KLHL29: variants seen among roughly 807,000 people sequenced by gnomAD.
The protein encoded by KLHL29 is kelch like family member 29, also known as kelch-like protein 29.
KLHL29 carries 21 observed loss-of-function variants against 80.4 expected under a neutral mutation model. The ratio of observed to expected loss-of-function variants is 0.26; its 90% CI spans 0.19 to 0.38. The LOEUF (loss-of-function observed/expected upper bound fraction) is 0.38. KLHL29 is among the 10% of genes least tolerant of loss of function. The probability of loss-of-function intolerance (pLI) is 1.00; values close to 1 mark genes in which losing one functional copy is unlikely to be tolerated. For synonymous variants in KLHL29, 511 were observed against 526.8 expected (o/e 0.97, Z 0.41); for missense variants, 867 against 1,223.9 (o/e 0.71, Z 4.35).
At chr2:23,438,490 T>C (rs1318984739) in intron 1 of KLHL29, among the ~76,000 whole-genome samples, 2 of 142,702 alleles carry the variant, frequency 1.4e-5, no homozygotes, top group African/African-American at 2.8e-5. Context: ...GTCCCATCAA[T>C]ACCTAATTTA....
intron 1 of KLHL29, among the ~76,000 whole-genome samples, chr2:23,460,639 A>G (rs1052621614): frequency 6.6e-6 from 1 of 152,246 alleles, no homozygotes; most frequent in South Asian, 2.1e-4. Flanking sequence ...GATGAGGGAC[A>G]GACAAGACAG....
chr2:23,405,833 C>A (rs1364192996), intron 1 of KLHL29, among the ~76,000 whole-genome samples: 1 of 152,070 alleles, frequency 6.6e-6, no homozygotes, highest in African/African-American at 2.4e-5. Flanking sequence ...ATGGGCTGGG[C>A]AAATCCAGGA....
intron 2 of KLHL29, among the ~76,000 whole-genome samples, chr2:23,554,079 G>A (rs112448275): frequency 2.5e-3 from 380 of 152,284 alleles, no homozygotes; most frequent in Admixed American, 3.7e-3. Context: ...GGGTCACTGG[G>A]GGCTGGAGCA....
In KLHL29 at chr2:23,573,574, C is replaced by T. The variant is rs573367645; in HGVS notation, c.285+11093C>T. On this transcript the variant is annotated intron_variant, in intron 3 of 13. Coordinates refer to ENST00000486442, the MANE Select transcript of KLHL29 (RefSeq NM_052920.2). ...CCTTCCCTAGTGCTGGCGACACGACCGGAAGGTGCAGCCACAGACTCCCCA... is the reference window on the plus strand; with the variant it reads ...CCTTCCCTAGTGCTGGCGACACGACTGGAAGGTGCAGCCACAGACTCCCCA... 2.2e-3 allele frequency among the ~76,000 whole-genome samples: 340 copies of T among 152,270 alleles called. 1 individual carries two copies. The highest frequency in any genetic ancestry group is 7.5e-3 in the African/African-American group (313 of 41,534).
chr2:23,390,315 A>G (rs1359111246), intron 1 of KLHL29, among the ~76,000 whole-genome samples: 6 of 152,166 alleles, frequency 3.9e-5, no homozygotes, highest in African/African-American at 1.4e-4. Context: ...GAGACTCTCG[A>G]CTGTGCAGCT....
intron 1 of KLHL29, among the ~76,000 whole-genome samples, chr2:23,426,510 G>T (rs181123197): frequency 1.3e-5 from 2 of 152,310 alleles, no homozygotes; most frequent in Admixed American, 1.3e-4. Flanking sequence ...GTGCGCACCT[G>T]GTCCGCCTGC....
chr2:23,398,624 G>A (rs1304012027), intron 1 of KLHL29, among the ~76,000 whole-genome samples: 8 of 152,232 alleles, frequency 5.3e-5, no homozygotes, highest in Non-Finnish European at 8.8e-5. Context: ...CAACCCTGCC[G>A]TGTTCTTCGA....
At chr2:23,476,058 C>G (rs1664632984) in intron 2 of KLHL29, among the ~76,000 whole-genome samples, 1 of 152,100 alleles carries the variant, frequency 6.6e-6, no homozygotes, top group Non-Finnish European at 1.5e-5. Flanking sequence ...CGTGTGCTAT[C>G]ACGACATGGT....
chr2:23,396,925 G>A (rs989380602), intron 1 of KLHL29, among the ~76,000 whole-genome samples: 1 of 152,208 alleles, frequency 6.6e-6, no homozygotes, highest in African/African-American at 2.4e-5. Flanking sequence ...TTCATGGAAA[G>A]CGTGTTTCAG....
intron 2 of KLHL29, among the ~76,000 whole-genome samples, chr2:23,495,439 T>G (rs1046791631): frequency 6.6e-6 from 1 of 152,232 alleles, no homozygotes; most frequent in African/African-American, 2.4e-5. Flanking sequence ...GATGTTTGGC[T>G]GGACATTCCC....
chr2:23,648,866 C>A (rs531868764), intron 5 of KLHL29, among the ~76,000 whole-genome samples: 2 of 152,350 alleles, frequency 1.3e-5, no homozygotes, highest in East Asian at 3.9e-4. Flanking sequence ...TCAAACTCCA[C>A]TTCCCACTAA....
At position 23,684,475 on chromosome 2, in the gene KLHL29, G is replaced by C. The variant is rs768854352; in HGVS notation, c.1017G>C (p.Glu339Asp). 2 of 1,551,180 alleles carry C rather than the reference G, an allele frequency of 1.3e-6. No homozygotes were observed. The highest frequency in any genetic ancestry group is 2.4e-5 in the South Asian group (2 of 83,924). Residue 339 changes from glutamate to aspartate, a missense_variant, in exon 6 of 14, where the codon GAG (glutamate) becomes GAC (aspartate). Transcript: ENST00000486442. This position sits in a 1 kb window ranked among gnomAD's most constrained non-coding sequence, Gnocchi z 4.4. ...TDLKIVVEGR[E>D]FEVHQNVLAS... ...TGAAAATTGTTGTTGAAGGCAGAGA[G>C]TTTGAAGTCCACCAAAATGTTCTAG...
chr2:23,694,610 T>TTCTCCCTG (rs1671832616), intron 8 of KLHL29, among the ~76,000 whole-genome samples: 1 of 152,196 alleles, frequency 6.6e-6, no homozygotes, highest in South Asian at 2.1e-4. Flanking sequence ...CTCCTCTCAC[T>TTCTCCCTG]TCTCCCTGTC....
At chr2:23,566,669 T>C (rs1253869099) in intron 3 of KLHL29, among the ~76,000 whole-genome samples, 1 of 152,254 alleles carries the variant, frequency 6.6e-6, no homozygotes, top group Non-Finnish European at 1.5e-5. Flanking sequence ...GCACTGGGAT[T>C]GAATCCTAGC....
chr2:23,422,776 G>A (rs1425688604), intron 1 of KLHL29, among the ~76,000 whole-genome samples: 1 of 152,174 alleles, frequency 6.6e-6, no homozygotes, highest in Non-Finnish European at 1.5e-5. Context: ...TGTTGTGTGT[G>A]TGCCTGTGTG....
At chr2:23,471,726 G>A (rs1256974324) in intron 1 of KLHL29, among the ~76,000 whole-genome samples, 1 of 152,110 alleles carries the variant, frequency 6.6e-6, no homozygotes, top group Non-Finnish European at 1.5e-5. Context: ...AAGGGAAAAG[G>A]TCAATTTGGC....
chr2:23,430,428 G>T (rs141700700), intron 1 of KLHL29, among the ~76,000 whole-genome samples: 2 of 152,142 alleles, frequency 1.3e-5, no homozygotes, highest in Admixed American at 6.5e-5. Context: ...ATGAGATGAC[G>T]CATGTTCTAA....
intron 5 of KLHL29, among the ~76,000 whole-genome samples, chr2:23,670,687 TA>T (rs1670689256): frequency 6.6e-6 from 1 of 152,160 alleles, no homozygotes; most frequent in African/African-American, 2.4e-5. Flanking sequence ...TGTATAATTT[TA>T]AAAGATCGTT....
At chr2:23,511,222 T>C (rs535267840) in intron 2 of KLHL29, among the ~76,000 whole-genome samples, 1 of 152,232 alleles carries the variant, frequency 6.6e-6, no homozygotes, top group East Asian at 1.9e-4. Context: ...GGATTTGACA[T>C]TTAAATAAAC....
Sources: gnomAD v4.1 joint callset for allele counts (sites outside exome capture counted in the v4.1 genomes callset) on GRCh38, gnomAD v4.1.1 for gene constraint, Gnocchi (gnomAD v3.1) non-coding constraint, MANE v1.5 for transcripts, NCBI Gene and HGNC (gene_info 2026-07-23, HGNC 2026-07-21) for gene names.